Variants in SPACA7 observed in about 807,000 individuals in gnomAD.
SPACA7 encodes the protein sperm acrosome associated 7.
Under a neutral mutation model 26.3 loss-of-function variants are expected in SPACA7, and 19 were observed. The ratio of observed to expected loss-of-function variants is 0.72; its 90% CI spans 0.50 to 1.06. The LOEUF is 1.06. Ranked by LOEUF, SPACA7 falls within the 50% of genes least tolerant of loss-of-function variation. The pLI is 0.00. For synonymous variants in SPACA7, 84 were observed against 84.5 expected (o/e 0.99, Z 0.04); for missense variants, 211 against 229.9 (o/e 0.92, Z 0.53).
intron 5 of SPACA7, among the ~76,000 whole-genome samples, chr13:112,410,118 A>T (rs1594297108): frequency 6.6e-6 from 1 of 152,280 alleles, no homozygotes. Context: ...TCGCAAGGAC[A>T]AAAAACCAAA....
intron 4 of SPACA7, 108 bp from the exon 5 acceptor site, chr13:112,400,961 T>C: frequency 1.3e-6 from 1 of 770,954 alleles, no homozygotes; most frequent in Non-Finnish European, 2.1e-6. Flanking sequence ...AACTTGAAAA[T>C]GATATTAGCA....
At chr13:112,409,033 C>T (rs910492148) in intron 5 of SPACA7, among the ~76,000 whole-genome samples, 2 of 152,134 alleles carry the variant, frequency 1.3e-5, no homozygotes, top group Non-Finnish European at 2.9e-5. Flanking sequence ...ACCAATGGAA[C>T]AGAACAGAGC....
intron 1 of SPACA7, among the ~76,000 whole-genome samples, chr13:112,383,550 A>G (rs951652542): frequency 1.3e-5 from 2 of 152,240 alleles, no homozygotes; most frequent in East Asian, 3.8e-4. Context: ...AGAATTTTAG[A>G]TAAGACTTTT....
rs7321297 is a variant in SPACA7 at position 112,397,964 on chromosome 13, T to C, written c.152-85T>C. ...ACAGGAACTGTGTGTACATTCACTG[T>C]GTGTACAGATGGCCTTAGGGGACAG... is the stretch of plus-strand genomic sequence containing the variant. On this transcript the variant is annotated intron_variant, in intron 2 of 6. Transcript: ENST00000283550. 5 of 790,372 alleles carry C rather than the reference T, an allele frequency of 6.3e-6. No homozygotes were observed. In the African/African-American group the frequency reaches 8.5e-5, roughly 13 times the overall value. 49.0% of individuals were successfully genotyped at this position (790,372 alleles called of 1,614,324 possible).
At chr13:112,390,848 A>G (rs759412301) in intron 1 of SPACA7, among the ~76,000 whole-genome samples, 1 of 152,382 alleles carries the variant, frequency 6.6e-6, no homozygotes, top group Non-Finnish European at 1.5e-5. Context: ...GAGTGGGGAC[A>G]TAAATCCAAA....
intron 1 of SPACA7, among the ~76,000 whole-genome samples, chr13:112,392,805 G>T (rs567130989): frequency 1.6e-4 from 24 of 152,280 alleles, no homozygotes; most frequent in Admixed American, 3.3e-4. Flanking sequence ...CACCCCGGAG[G>T]TGGCTGTTTC....
At chr13:112,427,559 T>C (rs1258418424) in intron 5 of SPACA7, among the ~76,000 whole-genome samples, 1 of 152,238 alleles carries the variant, frequency 6.6e-6, no homozygotes, top group East Asian at 1.9e-4. Context: ...AATGGTTTCA[T>C]AGAAATGGGT....
chr13:112,418,993 G>T (rs1041843360), intron 5 of SPACA7, among the ~76,000 whole-genome samples: 1 of 151,548 alleles, frequency 6.6e-6, no homozygotes, highest in Admixed American at 6.6e-5. Flanking sequence ...CTGCACTCCA[G>T]CCTGGGAGAC....
At position 112,434,558 on chromosome 13, in the gene SPACA7, C is replaced by A; in HGVS notation, c.*9C>A. ...GCCAAGGCAGTCAGTGAGGCCGCAGCCCCAGACCCCCTGCGCAGGAGAGGA... is the reference window on the plus strand; with the variant it reads ...GCCAAGGCAGTCAGTGAGGCCGCAGACCCAGACCCCCTGCGCAGGAGAGGA... On this transcript the variant is annotated 3_prime_UTR_variant, in exon 7 of 7. Transcript: ENST00000283550. 3 of 1,598,586 alleles carry A rather than the reference C, an allele frequency of 1.9e-6. No individual in the cohort carries two copies. Among genetic ancestry groups the A allele is most frequent in the East Asian group, 2.3e-5 (1 of 44,316 alleles).
chr13:112,409,688 A>G (rs1487840525), intron 5 of SPACA7, among the ~76,000 whole-genome samples: 1 of 152,246 alleles, frequency 6.6e-6, no homozygotes, highest in Non-Finnish European at 1.5e-5. Flanking sequence ...ACCAGTTAGA[A>G]TAGTGATCAT....
Position 112,380,634 on chromosome 13 carries a change from G to A in SPACA7, c.94+4155G>A, listed in dbSNP as rs575918875. Among the ~76,000 whole-genome samples, 9 of 151,412 alleles carry A rather than the reference G, an allele frequency of 5.9e-5. No individual in the cohort carries two copies. The South Asian group carries it at 1.3e-3, about 21-fold the overall frequency. On this transcript the variant is annotated intron_variant, in intron 1 of 6. Coordinates refer to ENST00000283550, the MANE Select transcript of SPACA7 (RefSeq NM_145248.5). ...GTTACATCTTTCCATACTAATTTAC[G>A]CATTTTGTCCGGTTTTTTCTCTTCC...
intron 1 of SPACA7, among the ~76,000 whole-genome samples, chr13:112,385,332 C>T (rs565469655): frequency 2.6e-5 from 4 of 152,342 alleles, no homozygotes; most frequent in South Asian, 2.1e-4. Context: ...ACCAAAAACA[C>T]GTTCCCTACA....
At chr13:112,407,484 GAAGAA>G (rs1261928109) in intron 5 of SPACA7, among the ~76,000 whole-genome samples, 1 of 152,092 alleles carries the variant, frequency 6.6e-6, no homozygotes, top group African/African-American at 2.4e-5. Context: ...GACTGATAAA[GAAGAA>G]AAGAGAGAAG....
At chr13:112,380,709 C>T (rs531330705) in intron 1 of SPACA7, among the ~76,000 whole-genome samples, 1 of 152,032 alleles carries the variant, frequency 6.6e-6, no homozygotes, top group East Asian at 1.9e-4. Context: ...TCACTTTTTT[C>T]GTCAACAAAA....
At chr13:112,401,294 GA>G in intron 5 of SPACA7, 130 bp downstream of exon 5, 1 of 654,608 alleles carries the variant, frequency 1.5e-6, no homozygotes, top group Non-Finnish European at 2.7e-6. Flanking sequence ...ACATCATGGT[GA>G]GAAGTGGTAT....
intron 5 of SPACA7, among the ~76,000 whole-genome samples, chr13:112,415,649 C>T (rs933627728): frequency 3.9e-5 from 6 of 152,138 alleles, no homozygotes; most frequent in African/African-American, 1.4e-4. Flanking sequence ...GTGATGTGGG[C>T]ACTTCTATGG....
chr13:112,417,783 T>C (rs1886784942), intron 5 of SPACA7, among the ~76,000 whole-genome samples: 2 of 152,220 alleles, frequency 1.3e-5, no homozygotes, highest in Non-Finnish European at 2.9e-5. Flanking sequence ...TAGCTCACTT[T>C]TCTCACTGTT....
At chr13:112,401,731 A>G (rs1927678) in intron 5 of SPACA7, among the ~76,000 whole-genome samples, 99,856 of 152,116 alleles carry the variant, frequency 0.66, 33,325 homozygotes, top group African/African-American at 0.78. Context: ...CATCTGCTAC[A>G]TTAGCTCTTG....
chr13:112,416,374 C>A (rs1427286662), intron 5 of SPACA7, among the ~76,000 whole-genome samples: 2 of 152,066 alleles, frequency 1.3e-5, no homozygotes, highest in African/African-American at 4.8e-5. Flanking sequence ...GCAACCTATA[C>A]CTCCTGGGTT....
Sources: allele counts gnomAD v4.1 joint callset (sites outside exome capture counted in the v4.1 genomes callset), GRCh38; gene constraint gnomAD v4.1.1; transcripts MANE v1.5; gene names NCBI Gene and HGNC (gene_info 2026-07-23, HGNC 2026-07-21).